Variants in NHSL2 observed in about 807,000 individuals in gnomAD.
NHSL2 encodes the protein NHS-like protein 2.
NHSL2 carries 27 observed loss-of-function variants against 53.4 expected under a neutral mutation model. That is an observed-to-expected ratio of 0.51 (90% CI 0.37 to 0.70). NHSL2 has a LOEUF of 0.70. NHSL2 is among the 30% of genes least tolerant of loss of function. The probability of loss-of-function intolerance (pLI) is 0.00; values close to 1 mark genes in which losing one functional copy is unlikely to be tolerated. For synonymous variants in NHSL2, 408 were observed against 404.1 expected (o/e 1.01, Z -0.12); for missense variants, 892 against 980.1 (o/e 0.91, Z 1.20).
intron 1 of NHSL2, among the ~76,000 whole-genome samples, chrX:71,958,322 C>G (rs1482003313): frequency 8.9e-6 from 1 of 111,915 alleles, no homozygotes; most frequent in Non-Finnish European, 1.9e-5. Flanking sequence ...CATGGGCTAG[C>G]TAGCCCAAAC....
chrX:72,100,370 C>T (rs61669117), intron 1 of NHSL2, among the ~76,000 whole-genome samples: 161 of 112,318 alleles, frequency 1.4e-3, no homozygotes, highest in African/African-American at 4.9e-3. Context: ...AGTTGTAACA[C>T]GATGGTACTT....
intron 1 of NHSL2, among the ~76,000 whole-genome samples, chrX:72,022,509 C>T (rs928224594): frequency 1.8e-5 from 2 of 110,731 alleles, no homozygotes; most frequent in Non-Finnish European, 3.8e-5. Context: ...TTGCAGATGG[C>T]CCCCTTCTCC....
intron 1 of NHSL2, among the ~76,000 whole-genome samples, chrX:72,111,732 A>C (rs1249036924): frequency 1.8e-5 from 2 of 111,875 alleles, no homozygotes; most frequent in Non-Finnish European, 3.8e-5. Context: ...GGATACTTGC[A>C]AAGACAGTAG....
chrX:72,098,736 TTA>T (rs2147457622), intron 1 of NHSL2, among the ~76,000 whole-genome samples: 1 of 112,191 alleles, frequency 8.9e-6, no homozygotes, highest in South Asian at 3.6e-4. Flanking sequence ...ACGTAAACCA[TTA>T]TATGTTATTT....
At chrX:72,112,358 T>A (rs748800571) in intron 1 of NHSL2, among the ~76,000 whole-genome samples, 11 of 112,088 alleles carry the variant, frequency 9.8e-5, no homozygotes, top group African/African-American at 3.6e-4. Context: ...ATAACTCACA[T>A]ACCATGCAAT....
intron 1 of NHSL2, among the ~76,000 whole-genome samples, chrX:71,964,041 A>ATG (rs1396579843): frequency 0.025 from 244 of 9,821 alleles, 21 homozygotes; most frequent in African/African-American, 0.042. Context: ...ATATATATAT[A>ATG]TGTATATATA....
intron 1 of NHSL2, among the ~76,000 whole-genome samples, chrX:71,912,737 C>T (rs1342223479): frequency 8.9e-6 from 1 of 112,229 alleles, no homozygotes; most frequent in East Asian, 2.8e-4. Flanking sequence ...CAGTTTTTTG[C>T]TGGGGTCCCA....
chrX:72,098,249 A>G (rs140391996), intron 1 of NHSL2, among the ~76,000 whole-genome samples: 4,319 of 111,457 alleles, frequency 0.039, 120 homozygotes, highest in South Asian at 0.11. Flanking sequence ...GAGGAAAGAG[A>G]AGGTTTGGAA....
At chrX:72,054,479 G>GT (rs2042357514) in intron 1 of NHSL2, among the ~76,000 whole-genome samples, 1 of 111,605 alleles carries the variant, frequency 9.0e-6, no homozygotes, top group Non-Finnish European at 1.9e-5. Context: ...AATAGAGTTG[G>GT]TTTTTTCTTG....
intron 1 of NHSL2, chrX:72,131,542 T>A: frequency 8.5e-7 from 1 of 1,176,757 alleles, no homozygotes; most frequent in Non-Finnish European, 1.1e-6. Flanking sequence ...CTCAGACATC[T>A]CGACAAGCCC....
At position 72,148,552 on chromosome X, in the gene NHSL2, G is replaced by C. The variant is rs1166936644; in HGVS notation, c.*4978G>C. The C allele has an allele frequency of 8.9e-6, 1 of 111,745 alleles. No individual in the cohort carries two copies. Among genetic ancestry groups the C allele is most frequent in the African/African-American group, 3.3e-5 (1 of 30,698 alleles). The allele number at this position is 111,745 out of a possible 1,213,427, so 9.2% of individuals were successfully genotyped here. ...TATAAGGAAGTGCCTTTGTCAAAAGGCAGCAAAAAGTATAATGATATAAAC... is the reference window on the plus strand; with the variant it reads ...TATAAGGAAGTGCCTTTGTCAAAAGCCAGCAAAAAGTATAATGATATAAAC... On this transcript the variant is annotated 3_prime_UTR_variant, in exon 8 of 8. Transcript: ENST00000633930.
chrX:71,956,594 C>G (rs977486027), intron 1 of NHSL2, among the ~76,000 whole-genome samples: 8 of 111,678 alleles, frequency 7.2e-5, no homozygotes, highest in Non-Finnish European at 1.5e-4. Context: ...ACTTTGCTTT[C>G]TCATGCCCCC....
At chrX:72,028,315 A>G (rs1014423554) in intron 1 of NHSL2, among the ~76,000 whole-genome samples, 2 of 112,780 alleles carry the variant, frequency 1.8e-5, no homozygotes, top group Non-Finnish European at 3.7e-5. Context: ...AGGGGGAAGC[A>G]CAAAGGAAGA....
rs918670673 is a variant in NHSL2 at position 72,014,347 on chromosome X, C to T, written c.280+102980C>T. 5.4e-5 allele frequency among the ~76,000 whole-genome samples: 6 copies of T among 110,981 alleles called. No individual in the cohort carries two copies. In the Admixed American group the frequency reaches 5.7e-4, roughly 11 times the overall value. On this transcript the variant is annotated intron_variant, in intron 1 of 7. Transcript: ENST00000633930. ...TTTGCTTTGGCTTTATTTTGCTCTC[C>T]TTGTTCTAGTTACTTGAGGTAGGAA...
At chrX:71,911,746 G>C (rs1361670537) in intron 1 of NHSL2, among the ~76,000 whole-genome samples, 1 of 112,773 alleles carries the variant, frequency 8.9e-6, no homozygotes, top group African/African-American at 3.2e-5. Flanking sequence ...TCGCCGCGTC[G>C]GGAGCTAAAT....
chrX:72,037,893 T>C, intron 1 of NHSL2, among the ~76,000 whole-genome samples: 1 of 112,320 alleles, frequency 8.9e-6, no homozygotes, highest in Non-Finnish European at 1.9e-5. Context: ...AAGGCCACCT[T>C]CTGTCACTGG....
At chrX:72,112,844 C>T (rs192626149) in intron 1 of NHSL2, among the ~76,000 whole-genome samples, 122 of 111,058 alleles carry the variant, frequency 1.1e-3, no homozygotes, top group Middle Eastern at 9.4e-3. Flanking sequence ...TGCGCACCAC[C>T]ACATCCAGCT....
At chrX:71,924,444 A>G (rs2041674593) in intron 1 of NHSL2, among the ~76,000 whole-genome samples, 1 of 111,701 alleles carries the variant, frequency 9.0e-6, no homozygotes, top group Non-Finnish European at 1.9e-5. Context: ...TGTATTGACC[A>G]TTTTTGAATT....
intron 1 of NHSL2, among the ~76,000 whole-genome samples, chrX:72,103,058 C>T (rs922793356): frequency 8.9e-6 from 1 of 112,217 alleles, no homozygotes; most frequent in African/African-American, 3.2e-5. Flanking sequence ...GCCAAAGGGT[C>T]CTAGGCCAGC....
Sources: gnomAD v4.1 joint callset for allele counts (sites outside exome capture counted in the v4.1 genomes callset) on GRCh38, gnomAD v4.1.1 for gene constraint, MANE v1.5 for transcripts, NCBI Gene and HGNC (gene_info 2026-07-23, HGNC 2026-07-21) for gene names.